TXLNB: variants seen among roughly 807,000 people sequenced by gnomAD.
TXLNB encodes the protein beta-taxilin.
In TXLNB, 37 loss-of-function variants were observed where a neutral mutation model predicts 57.4. The ratio of observed to expected loss-of-function variants is 0.64; its 90% CI spans 0.50 to 0.85. The LOEUF (loss-of-function observed/expected upper bound fraction) is 0.85, where lower values mean the gene tolerates loss of function less well. TXLNB is among the 40% of genes least tolerant of loss of function. The pLI is 0.00. For synonymous variants in TXLNB, 302 were observed against 309.6 expected (o/e 0.98, Z 0.26); for missense variants, 848 against 825.6 (o/e 1.03, Z -0.33).
the TXLNB span, among the ~76,000 whole-genome samples, chr6:139,182,518 G>T: frequency 6.6e-6 from 1 of 152,094 alleles, no homozygotes; most frequent in Non-Finnish European, 1.5e-5. Flanking sequence ...CTTAAATTTG[G>T]CAAATTCAGC....
the TXLNB span, among the ~76,000 whole-genome samples, chr6:139,298,277 C>T: frequency 6.6e-6 from 1 of 152,192 alleles, no homozygotes; most frequent in Non-Finnish European, 1.5e-5. Context: ...AGCCTTATTA[C>T]TCTTACATTT....
the TXLNB span, among the ~76,000 whole-genome samples, chr6:139,176,341 G>A: frequency 1.3e-5 from 2 of 152,164 alleles, no homozygotes; most frequent in African/African-American, 2.4e-5. This position sits in a 1 kb window ranked among gnomAD's most constrained non-coding sequence, Gnocchi z 4.5. Flanking sequence ...TTTTTAAAAT[G>A]AGTCTAAATT....
the TXLNB span, among the ~76,000 whole-genome samples, chr6:139,195,349 A>C: frequency 1.3e-5 from 2 of 152,222 alleles, no homozygotes; most frequent in Non-Finnish European, 2.9e-5. Context: ...AAGAAAATAC[A>C]ATGATTATTT....
chr6:139,295,651 ATTAT>A (rs1401568014), upstream of TXLNB, among the ~76,000 whole-genome samples: 6 of 152,012 alleles, frequency 3.9e-5, no homozygotes, highest in Non-Finnish European at 7.4e-5. Context: ...AATTTTTGAC[ATTAT>A]TTATTGTCTT....
chr6:139,253,249 G>A (rs182734420), intron 7 of TXLNB, among the ~76,000 whole-genome samples: 3 of 152,296 alleles, frequency 2.0e-5, no homozygotes, highest in African/African-American at 7.2e-5. Flanking sequence ...TGCTTTGGAT[G>A]CATGATTTGA....
the TXLNB span, among the ~76,000 whole-genome samples, chr6:139,316,891 C>G: frequency 2.0e-5 from 3 of 152,220 alleles, no homozygotes; most frequent in South Asian, 6.2e-4. Flanking sequence ...TTAAGGCTCA[C>G]AAGGCTGGGG....
the TXLNB span, among the ~76,000 whole-genome samples, chr6:139,197,244 C>T: frequency 1.3e-5 from 2 of 152,096 alleles, no homozygotes; most frequent in East Asian, 3.8e-4. Flanking sequence ...CTCCTATTTC[C>T]CCTACTGGTT....
At chr6:139,301,512 A>G in the TXLNB span, among the ~76,000 whole-genome samples, 93,860 of 151,952 alleles carry the variant, frequency 0.62, 29,133 homozygotes, top group Non-Finnish European at 0.65. Flanking sequence ...TTTCCTCTAG[A>G]ACTGCCAGGA....
At chr6:139,299,655 C>G in the TXLNB span, among the ~76,000 whole-genome samples, 1 of 152,002 alleles carries the variant, frequency 6.6e-6, no homozygotes, top group Non-Finnish European at 1.5e-5. Context: ...GGCTGAGATG[C>G]CTTGTTACCT....
intron 5 of TXLNB, among the ~76,000 whole-genome samples, chr6:139,261,991 C>A (rs950883723): frequency 1.3e-5 from 2 of 150,358 alleles, no homozygotes; most frequent in African/African-American, 4.9e-5. Flanking sequence ...GCAACCTCCA[C>A]CTCCTGGGTT....
chr6:139,321,185 G>A, the TXLNB span, among the ~76,000 whole-genome samples: 3 of 152,136 alleles, frequency 2.0e-5, no homozygotes, highest in Non-Finnish European at 4.4e-5. Context: ...TCTGAATGTT[G>A]GTGTCCCCTA....
chr6:139,210,638 G>A, the TXLNB span, among the ~76,000 whole-genome samples: 1 of 152,264 alleles, frequency 6.6e-6, no homozygotes, highest in African/African-American at 2.4e-5. Flanking sequence ...GTGGGTGAAG[G>A]ACAGTGGGTG....
chr6:139,277,791 T>C (rs1241092840), intron 2 of TXLNB, among the ~76,000 whole-genome samples: 1 of 152,142 alleles, frequency 6.6e-6, no homozygotes, highest in Admixed American at 6.6e-5. Context: ...TACCTATCTA[T>C]GAAAACCACT....
At position 139,282,550 on chromosome 6, in the gene TXLNB, C is replaced by A. The variant is rs1167392413; in HGVS notation, c.425-5629G>T. ...TGAGATCGCACCACTGTACTCCAGC[C>A]TGGGCAACAGAGTGAGACTTTGTCT... On this transcript the variant is annotated intron_variant, in intron 2 of 9. Coordinates refer to ENST00000358430, the MANE Select transcript of TXLNB (RefSeq NM_153235.4). Among the ~76,000 whole-genome samples, 3 of 145,384 alleles carry A rather than the reference C, an allele frequency of 2.1e-5. 1 individual carries two copies. Among genetic ancestry groups the A allele is most frequent in the Non-Finnish European group, 4.6e-5 (3 of 65,398 alleles).
the TXLNB span, among the ~76,000 whole-genome samples, chr6:139,304,495 A>G: frequency 6.6e-6 from 1 of 152,250 alleles, no homozygotes; most frequent in Non-Finnish European, 1.5e-5. Context: ...TTCCACTAAA[A>G]GAGCAGTAAA....
the TXLNB span, among the ~76,000 whole-genome samples, chr6:139,311,404 C>T: frequency 1.3e-4 from 19 of 150,580 alleles, no homozygotes; most frequent in African/African-American, 4.2e-4. Flanking sequence ...CAGATCTGAA[C>T]GCAGGACAGG....
the TXLNB span, among the ~76,000 whole-genome samples, chr6:139,192,514 A>G: frequency 6.6e-6 from 1 of 152,186 alleles, no homozygotes; most frequent in African/African-American, 2.4e-5. Context: ...GGGGGAGTCT[A>G]TTTCACTGAT....
the TXLNB span, among the ~76,000 whole-genome samples, chr6:139,310,172 C>T: frequency 2.0e-5 from 3 of 152,144 alleles, no homozygotes; most frequent in East Asian, 1.9e-4. Flanking sequence ...AGGATACAAT[C>T]GACAGGATGA....
At chr6:139,193,881 G>T in the TXLNB span, among the ~76,000 whole-genome samples, 2 of 123,568 alleles carry the variant, frequency 1.6e-5, no homozygotes, top group Admixed American at 8.6e-5. Context: ...TCGCTCTGTC[G>T]CCCAGGCTGG....
Sources: allele counts gnomAD v4.1 joint callset (sites outside exome capture counted in the v4.1 genomes callset), GRCh38; gene constraint gnomAD v4.1.1; non-coding constraint Gnocchi (gnomAD v3.1); transcripts MANE v1.5; gene names NCBI Gene and HGNC (gene_info 2026-07-23, HGNC 2026-07-21).